Variants in GRAMD1C observed in about 807,000 individuals in gnomAD.
GRAMD1C encodes GRAM domain containing 1C, also known as protein Aster-C.
In GRAMD1C, 89 loss-of-function variants were observed where a neutral mutation model predicts 97.8. The observed-to-expected ratio is 0.91, with a 90% CI of 0.77 to 1.09. The LOEUF is 1.09. Ranked by LOEUF, GRAMD1C falls within the 50% of genes least tolerant of loss-of-function variation. The pLI is 0.00. For missense variants in GRAMD1C, 740 were observed against 766.4 expected (o/e 0.97, Z 0.41); for synonymous variants, 256 against 267.0 (o/e 0.96, Z 0.40).
chr3:113,905,713 G>C (rs75228411), intron 8 of GRAMD1C, among the ~76,000 whole-genome samples: 1 of 143,626 alleles, frequency 7.0e-6, no homozygotes, highest in South Asian at 2.2e-4. Context: ...TTTTTTTTTT[G>C]ATACAGAGTT....
chr3:113,926,871 G>T (rs950967059), intron 10 of GRAMD1C, among the ~76,000 whole-genome samples: 21 of 152,112 alleles, frequency 1.4e-4, no homozygotes, highest in Admixed American at 5.9e-4. Flanking sequence ...CTGGCCCTTC[G>T]AGGTTAGAAA....
chr3:113,911,821 G>A (rs558862961), intron 9 of GRAMD1C, among the ~76,000 whole-genome samples: 41 of 151,200 alleles, frequency 2.7e-4, no homozygotes, highest in Non-Finnish European at 5.0e-4. Flanking sequence ...TCTGCCTCCC[G>A]GGTTCACACC....
intron 6 of GRAMD1C, chr3:113,885,158 C>CCCGCT (rs1291865725): frequency 1.6e-6 from 1 of 606,920 alleles, no homozygotes; most frequent in Non-Finnish European, 2.9e-6. Flanking sequence ...TTCTGAGCCG[C>CCCGCT]CCGCTCCGTG....
chr3:113,844,256 T>A (rs1392515502), intron 1 of GRAMD1C, among the ~76,000 whole-genome samples: 3 of 152,086 alleles, frequency 2.0e-5, no homozygotes, highest in Non-Finnish European at 1.5e-5. Context: ...ATGGGGCCAT[T>A]ACACTCCAGT....
At chr3:113,873,029 C>A (rs1345302486) in intron 3 of GRAMD1C, among the ~76,000 whole-genome samples, 1 of 136,758 alleles carries the variant, frequency 7.3e-6, no homozygotes, top group Non-Finnish European at 1.5e-5. Flanking sequence ...GGAGGCGGAG[C>A]TTGCAGTGAG....
In GRAMD1C at chr3:113,897,746, C is replaced by T. The variant is rs545509022; in HGVS notation, c.541-3285C>T. 4.1e-6 allele frequency: 4 copies of T among 984,712 alleles called. No individual in the cohort carries two copies. In the East Asian group the frequency reaches 4.5e-4, roughly 112 times the overall value. The allele number at this position is 984,712 out of a possible 1,614,324, so 61.0% of individuals were successfully genotyped here. Reference sequence around the variant, plus strand: ...ACTTTTGAGCCTTATCTGATTACTGCTTGGTTCATCTTTATTTTGTTAAAC... The same window carrying T: ...ACTTTTGAGCCTTATCTGATTACTGTTTGGTTCATCTTTATTTTGTTAAAC... On this transcript the variant is annotated intron_variant, in intron 6 of 17. Coordinates refer to ENST00000358160, the MANE Select transcript of GRAMD1C (RefSeq NM_017577.5).
intron 1 of GRAMD1C, among the ~76,000 whole-genome samples, chr3:113,840,156 C>T (rs1029321818): frequency 4.6e-5 from 7 of 152,062 alleles, no homozygotes; most frequent in Non-Finnish European, 7.4e-5. Flanking sequence ...TTAGTAGAGA[C>T]GGGGTTTCAC....
intron 1 of GRAMD1C, among the ~76,000 whole-genome samples, chr3:113,829,239 T>C (rs988535845): frequency 5.9e-5 from 9 of 152,022 alleles, no homozygotes; most frequent in Non-Finnish European, 1.0e-4. Context: ...CTGGGCAACA[T>C]AGGGAGGCCC....
At chr3:113,855,470 A>G (rs967860259) in intron 2 of GRAMD1C, among the ~76,000 whole-genome samples, 2 of 152,082 alleles carry the variant, frequency 1.3e-5, no homozygotes, top group East Asian at 3.9e-4. Context: ...TTGGGAGGCC[A>G]AGGCGGGTGG....
chr3:113,892,028 A>G (rs1431653542), intron 6 of GRAMD1C, among the ~76,000 whole-genome samples: 1 of 152,132 alleles, frequency 6.6e-6, no homozygotes, highest in Non-Finnish European at 1.5e-5. Context: ...TTTTCATTAA[A>G]GTACTATAAA....
intron 2 of GRAMD1C, among the ~76,000 whole-genome samples, chr3:113,866,269 A>C (rs1934581971): frequency 6.6e-6 from 1 of 152,066 alleles, no homozygotes; most frequent in African/African-American, 2.4e-5. Flanking sequence ...TGCATTTATG[A>C]TTATCTTCCT....
At chr3:113,870,565 A>G (rs1934762696) in intron 3 of GRAMD1C, among the ~76,000 whole-genome samples, 1 of 152,168 alleles carries the variant, frequency 6.6e-6, no homozygotes, top group East Asian at 1.9e-4. Context: ...ATATTTCAAA[A>G]TAGCCAAAAG....
At position 113,946,061 on chromosome 3, in the gene GRAMD1C, G is replaced by A. The variant is rs1343457969; in HGVS notation, c.*583G>A. 1.3e-5 allele frequency: 2 copies of A among 152,284 alleles called. No individual in the cohort carries two copies. The highest frequency in any genetic ancestry group is 4.8e-5 in the African/African-American group (2 of 41,416). 9.4% of individuals were successfully genotyped at this position (152,284 alleles called of 1,614,324 possible). On this transcript the variant is annotated 3_prime_UTR_variant, in exon 18 of 18. Transcript: ENST00000358160. ...CATGTTGATGATGATTATCAGAAAG[G>A]GTCTTCTGCCATGCTGTATCTTTAT...
At chr3:113,920,808 G>C (rs972728543) in intron 10 of GRAMD1C, among the ~76,000 whole-genome samples, 2 of 152,158 alleles carry the variant, frequency 1.3e-5, no homozygotes, top group Non-Finnish European at 2.9e-5. Flanking sequence ...CTCCCAAGGT[G>C]CTGGGATTAC....
chr3:113,861,573 G>C (rs937789078), intron 2 of GRAMD1C, among the ~76,000 whole-genome samples: 2 of 152,106 alleles, frequency 1.3e-5, no homozygotes, highest in African/African-American at 4.8e-5. Flanking sequence ...AAAATGAAAA[G>C]ATCACCCACA....
intron 3 of GRAMD1C, among the ~76,000 whole-genome samples, chr3:113,871,293 T>A (rs1409087465): frequency 6.6e-6 from 1 of 152,154 alleles, no homozygotes; most frequent in East Asian, 1.9e-4. Context: ...AAGTGCTTTA[T>A]TTTTTACTAT....
intron 10 of GRAMD1C, among the ~76,000 whole-genome samples, chr3:113,921,207 C>T (rs1320132712): frequency 6.6e-6 from 1 of 152,160 alleles, no homozygotes; most frequent in Non-Finnish European, 1.5e-5. Flanking sequence ...TAATGGCCTC[C>T]AGCTCCATAC....
chr3:113,871,009 A>G (rs11720591), intron 3 of GRAMD1C, among the ~76,000 whole-genome samples: 1,707 of 112,176 alleles, frequency 0.015, 31 homozygotes, highest in South Asian at 0.046. Flanking sequence ...ACACACACAC[A>G]CACACACACA....
intron 1 of GRAMD1C, among the ~76,000 whole-genome samples, chr3:113,841,865 T>G (rs1453429768): frequency 1.3e-5 from 2 of 151,986 alleles, no homozygotes. Context: ...GCCAGGCTAA[T>G]CTTTAAATTT....
Sources: allele counts gnomAD v4.1 joint callset (sites outside exome capture counted in the v4.1 genomes callset), GRCh38; gene constraint gnomAD v4.1.1; transcripts MANE v1.5; gene names NCBI Gene and HGNC (gene_info 2026-07-23, HGNC 2026-07-21).